The following TF variants were observed in gnomAD, a reference collection of about 807,000 sequenced individuals.
TF encodes the protein transferrin.
TF carries 55 observed loss-of-function variants against 82.4 expected under a neutral mutation model. The ratio of observed to expected loss-of-function variants is 0.67; its 90% CI spans 0.54 to 0.84. The LOEUF is 0.84. TF is among the 40% of genes least tolerant of loss of function. The probability of loss-of-function intolerance (pLI) is 0.00; values close to 1 mark genes in which losing one functional copy is unlikely to be tolerated. For synonymous variants in TF, 332 were observed against 332.6 expected (o/e 1.00, Z 0.02); for missense variants, 737 against 868.4 (o/e 0.85, Z 1.90).
chr3:133,775,461 T>G lies in TF; in HGVS notation c.1716T>G (p.Asn572Lys). 1 of 1,614,130 alleles carries G rather than the reference T, an allele frequency of 6.2e-7. No homozygotes were observed. The highest frequency in any genetic ancestry group is 1.1e-5 in the South Asian group (1 of 91,078). Residue 572 changes from asparagine (N) to lysine (K), a missense_variant, in exon 15 of 17, where the codon AAT becomes AAG. Coordinates refer to ENST00000402696, the MANE Select transcript of TF (RefSeq NM_001063.4). ...AAAACCCTGATCCATGGGCTAAGAA[T>G]CTGAATGAAAAAGACTATGAGTTGC... ...GGKNPDPWAK[N>K]LNEKDYELLC... is the part of the protein sequence containing the mutation.
chr3:133,762,834 A>T (rs891973837), intron 9 of TF, among the ~76,000 whole-genome samples: 1 of 152,246 alleles, frequency 6.6e-6, no homozygotes, highest in Non-Finnish European at 1.5e-5. Flanking sequence ...TGTGTGGAAG[A>T]AATGATTTTT....
chr3:133,735,382 C>T, the TF span, among the ~76,000 whole-genome samples: 1 of 151,334 alleles, frequency 6.6e-6, no homozygotes, highest in African/African-American at 2.4e-5. Context: ...ATTCCAAAAG[C>T]CAGAACACCT....
intron 7 of TF, among the ~76,000 whole-genome samples, chr3:133,757,358 C>T (rs1933865201): frequency 6.6e-6 from 1 of 152,206 alleles, no homozygotes; most frequent in African/African-American, 2.4e-5. Context: ...TCTCCCCATG[C>T]CCCTCAGCCC....
At chr3:133,727,604 T>C in the TF span, among the ~76,000 whole-genome samples, 2 of 112,962 alleles carry the variant, frequency 1.8e-5, no homozygotes, top group Non-Finnish European at 3.7e-5. Context: ...CTTGACTCTT[T>C]ATCCAATTTG....
intron 14 of TF, 171 bp downstream of exon 14, chr3:133,770,743 A>T: frequency 1.2e-6 from 1 of 812,906 alleles, no homozygotes; most frequent in East Asian, 2.6e-5. Context: ...GAGTGCGCAG[A>T]ATGATCAGGA....
chr3:133,694,056 G>A, the TF span, among the ~76,000 whole-genome samples: 1 of 152,176 alleles, frequency 6.6e-6, no homozygotes, highest in African/African-American at 2.4e-5. Flanking sequence ...CCTCCAGCAG[G>A]CTGCACTGGC....
chr3:133,748,626 C>CT, intron 2 of TF, 42 bp downstream of exon 2: 2 of 1,609,524 alleles, frequency 1.2e-6, no homozygotes, highest in Non-Finnish European at 1.7e-6. Flanking sequence ...GAAAGCCATA[C>CT]TTTCTCTGTT....
intron 9 of TF, among the ~76,000 whole-genome samples, chr3:133,763,613 A>G (rs1934049920): frequency 6.6e-6 from 1 of 152,226 alleles, no homozygotes; most frequent in South Asian, 2.1e-4. Flanking sequence ...TTGCCAGGCC[A>G]AAGGGAAATC....
At chr3:133,668,564 C>T in the TF span, among the ~76,000 whole-genome samples, 1 of 152,040 alleles carries the variant, frequency 6.6e-6, no homozygotes, top group African/African-American at 2.4e-5. Context: ...CTCCCCATTC[C>T]CCAGTGTGTA....
At chr3:133,672,832 GAGAATA>G in the TF span, among the ~76,000 whole-genome samples, 12 of 151,666 alleles carry the variant, frequency 7.9e-5, no homozygotes, top group Non-Finnish European at 1.6e-4. Flanking sequence ...AAAGAAAAAA[GAGAATA>G]AGAGAAGTTT....
At chr3:133,675,363 T>C in the TF span, among the ~76,000 whole-genome samples, 1 of 151,018 alleles carries the variant, frequency 6.6e-6, no homozygotes, top group African/African-American at 2.4e-5. Flanking sequence ...TAGAATGCAA[T>C]CATGATCATT....
the TF span, among the ~76,000 whole-genome samples, chr3:133,735,999 A>G: frequency 6.6e-6 from 1 of 152,218 alleles, no homozygotes; most frequent in Non-Finnish European, 1.5e-5. Context: ...CAAGCCACAT[A>G]ATCGTCAGAT....
chr3:133,770,639 C>G (rs1262599147), intron 14 of TF, 67 bp downstream of exon 14: 15 of 1,503,550 alleles, frequency 1.0e-5, no homozygotes, highest in Non-Finnish European at 1.4e-5. Flanking sequence ...CACTTGTATT[C>G]AGGGATGCCT....
chr3:133,698,727 T>C, the TF span, among the ~76,000 whole-genome samples: 1 of 152,226 alleles, frequency 6.6e-6, no homozygotes, highest in East Asian at 1.9e-4. Context: ...AGGTCCCTAT[T>C]TCCAAATAAG....
At chr3:133,756,432 A>G in intron 6 of TF, 95 bp downstream of exon 6, 1 of 1,350,266 alleles carries the variant, frequency 7.4e-7, no homozygotes, top group South Asian at 1.2e-5. Context: ...GGAAATGAGC[A>G]TACTGTATTT....
In TF at chr3:133,779,834, C is replaced by A. The variant is rs1384374588; in HGVS notation, c.*1214C>A. On this transcript the variant is annotated 3_prime_UTR_variant, in exon 17 of 17. Coordinates refer to ENST00000402696, the MANE Select transcript of TF (RefSeq NM_001063.4). The stretch of plus-strand genomic sequence containing the variant: ...ATTGAAGTGATCATCCTGTTCTTCT[C>A]TCTCTTGCTTCCCTAAACCAACTGT... 6.6e-6 allele frequency: 1 copy of A among 152,316 alleles called. No homozygotes were observed. Among genetic ancestry groups the A allele is most frequent in the Non-Finnish European group, 1.5e-5 (1 of 68,106 alleles). The allele number at this position is 152,316 out of a possible 1,614,324, so 9.4% of individuals were successfully genotyped here.
At chr3:133,670,863 G>A in the TF span, among the ~76,000 whole-genome samples, 26 of 152,340 alleles carry the variant, frequency 1.7e-4, no homozygotes, top group Admixed American at 8.5e-4. Context: ...CATGGCCAGG[G>A]GGAATCTGGC....
the TF span, among the ~76,000 whole-genome samples, chr3:133,683,414 G>C: frequency 1.3e-5 from 2 of 151,902 alleles, no homozygotes; most frequent in African/African-American, 4.8e-5. Context: ...CTGGCAAATT[G>C]GATGAGTCAA....
At chr3:133,730,535 GCCTGTAGAC>G in the TF span, among the ~76,000 whole-genome samples, 1 of 152,214 alleles carries the variant, frequency 6.6e-6, no homozygotes, top group Non-Finnish European at 1.5e-5. Flanking sequence ...TGAGGCAGGA[GCCTGTAGAC>G]CCTGGTCCAA....
Sources: gnomAD v4.1 joint callset for allele counts (sites outside exome capture counted in the v4.1 genomes callset) on GRCh38, gnomAD v4.1.1 for gene constraint, MANE v1.5 for transcripts, NCBI Gene and HGNC (gene_info 2026-07-23, HGNC 2026-07-21) for gene names.